USP42: variants seen among roughly 807,000 people sequenced by gnomAD.
USP42 encodes the protein ubiquitin carboxyl-terminal hydrolase 42.
USP42 carries 23 observed loss-of-function variants against 113.0 expected under a neutral mutation model. The ratio of observed to expected loss-of-function variants is 0.20; its 90% CI spans 0.15 to 0.29. The LOEUF (loss-of-function observed/expected upper bound fraction) is 0.29, where lower values mean the gene tolerates loss of function less well. Ranked by LOEUF, USP42 falls within the 10% of genes least tolerant of loss-of-function variation. The pLI, the probability that USP42 is intolerant of heterozygous loss-of-function variation, is 1.00. For synonymous variants in USP42, 933 were observed against 699.0 expected (o/e 1.33, Z -5.28); for missense variants, 2,174 against 1,779.8 (o/e 1.22, Z -3.99).
At chr7:6,105,241 G>C (rs1042376982) in intron 1 of USP42, among the ~76,000 whole-genome samples, 10 of 145,722 alleles carry the variant, frequency 6.9e-5, no homozygotes, top group Admixed American at 4.8e-4. Flanking sequence ...GCCCGCCCGG[G>C]CCAGGCCGCT....
upstream of USP42, among the ~76,000 whole-genome samples, chr7:6,103,239 C>T (rs998921336): frequency 5.3e-5 from 8 of 150,982 alleles, 1 homozygote; most frequent in African/African-American, 2.0e-4. Flanking sequence ...TAAGCCTGTA[C>T]AATGCTAGGA....
intron 14 of USP42, among the ~76,000 whole-genome samples, chr7:6,151,239 C>G (rs1782030636): frequency 6.6e-6 from 1 of 152,168 alleles, no homozygotes; most frequent in Non-Finnish European, 1.5e-5. Flanking sequence ...GGACGGTACA[C>G]TACTGTAGAC....
upstream of USP42, among the ~76,000 whole-genome samples, chr7:6,104,066 G>A (rs975234794): frequency 1.3e-5 from 2 of 151,366 alleles, no homozygotes; most frequent in Non-Finnish European, 2.9e-5. Flanking sequence ...CTGGGCTACA[G>A]ACCCTGTTTC....
chr7:6,133,342 A>G (rs1780952684), intron 3 of USP42, among the ~76,000 whole-genome samples: 1 of 152,094 alleles, frequency 6.6e-6, no homozygotes, highest in African/African-American at 2.4e-5. Flanking sequence ...GCAACTTAAA[A>G]TTGTCCCATA....
Position 6,154,498 on chromosome 7 carries a change from C to A in USP42, c.2944C>A (p.Arg982Ser). 1 of 1,544,132 alleles carries A rather than the reference C, an allele frequency of 6.5e-7. No individual in the cohort carries two copies. Among genetic ancestry groups the A allele is most frequent in the Non-Finnish European group, 8.7e-7 (1 of 1,144,670 alleles). Residue 982 changes from arginine (R) to serine (S), a missense_variant, in exon 15 of 18, where the codon CGC (arginine) becomes AGC (serine). Arg to Ser is a moderately radical substitution (Grantham distance 110, BLOSUM62 -1). Transcript: ENST00000306177. ...KTEGHRHRRR[R>S]TCPRERDRQD... Reference sequence around the variant, plus strand: ...TGAGGGCCACCGTCACCGGCGGCGCCGCACCTGCCCCCGGGAGCGCGACCG... The same window carrying A: ...TGAGGGCCACCGTCACCGGCGGCGCAGCACCTGCCCCCGGGAGCGCGACCG...
At position 6,159,308 on chromosome 7, in the gene USP42, T is replaced by C; in HGVS notation, c.3944-142T>C. The C allele has an allele frequency of 9.6e-7, 1 of 1,036,956 alleles. No homozygotes were observed. Among genetic ancestry groups the C allele is most frequent in the South Asian group, 1.5e-5 (1 of 67,854 alleles). The allele number at this position is 1,036,956 out of a possible 1,614,324, so 64.2% of individuals were successfully genotyped here. On this transcript the variant is annotated intron_variant, in intron 16 of 17. Transcript: ENST00000306177. This position sits in a 1 kb window ranked among gnomAD's most constrained non-coding sequence, Gnocchi z 4.1. ...CCGCTGAGCGCTGGGACATCCCTGC[T>C]CACCTCACTGGGGAGTGGCCTCAGG...
At chr7:6,145,162 GTC>G (rs1781644745) in intron 9 of USP42, among the ~76,000 whole-genome samples, 1 of 151,514 alleles carries the variant, frequency 6.6e-6, no homozygotes, top group African/African-American at 2.4e-5. Context: ...TGAAACCCCT[GTC>G]TCTACTAAAA....
rs553965703 is a variant in USP42 at position 6,107,620 on chromosome 7, G to A, written c.-10+2588G>A. Among the ~76,000 whole-genome samples the A allele has an allele frequency of 9.9e-5, 15 of 152,106 alleles. No homozygotes were observed. In the East Asian group the frequency reaches 1.7e-3, roughly 18 times the overall value. On this transcript the variant is annotated intron_variant, in intron 1 of 17. Transcript: ENST00000306177. ...GACGGGATTTCTCCATGTTGGTCAG[G>A]CTGGTCTTGAACTCCTGATTTCAGG...
In USP42 at chr7:6,159,337, T is replaced by C. The variant is rs899363065; in HGVS notation, c.3944-113T>C. On this transcript the variant is annotated intron_variant, in intron 16 of 17. Coordinates refer to ENST00000306177, the MANE Select transcript of USP42 (RefSeq NM_032172.3). The surrounding 1 kb of genome is among the most constrained non-coding windows in gnomAD (Gnocchi z 4.1). ...CTCACTGGGGAGTGGCCTCAGGCGC[T>C]CACAGGGAACCGCAGTGACTCTGAC... 1.4e-6 allele frequency: 2 copies of C among 1,449,662 alleles called. No homozygotes were observed. The highest frequency in any genetic ancestry group is 2.8e-5 in the African/African-American group (2 of 70,740). The allele number at this position is 1,449,662 out of a possible 1,614,324, so 89.8% of individuals were successfully genotyped here. A position where few individuals can be genotyped will look rare whatever the true frequency, so the allele number is the denominator to read the frequency against.
intron 12 of USP42, among the ~76,000 whole-genome samples, 186 bp from the exon 13 acceptor site, chr7:6,149,397 G>A (rs193245949): frequency 1.2e-3 from 183 of 152,106 alleles, no homozygotes; most frequent in Non-Finnish European, 2.2e-3. Context: ...AGAAAACTAG[G>A]GCCTGTGGAA....
the USP42 span, among the ~76,000 whole-genome samples, chr7:6,089,619 G>A: frequency 2.8e-5 from 4 of 145,046 alleles, no homozygotes; most frequent in Admixed American, 1.4e-4. Context: ...TGCAACCTTC[G>A]CCTCCCGGGT....
At chr7:6,127,039 T>C (rs1780582236) in intron 3 of USP42, among the ~76,000 whole-genome samples, 1 of 152,226 alleles carries the variant, frequency 6.6e-6, no homozygotes, top group Admixed American at 6.5e-5. Flanking sequence ...AGGTGTGTAG[T>C]GGTAACTCAG....
chr7:6,147,020 C>T (rs868721960), intron 11 of USP42, among the ~76,000 whole-genome samples: 9 of 152,206 alleles, frequency 5.9e-5, no homozygotes, highest in South Asian at 2.1e-4. Flanking sequence ...CTCACTCACT[C>T]GCTCCATTTT....
chr7:6,149,152 G>C (rs1379945115), intron 12 of USP42, among the ~76,000 whole-genome samples: 1 of 152,136 alleles, frequency 6.6e-6, no homozygotes, highest in East Asian at 1.9e-4. Context: ...GTGAGTGGCG[G>C]CTGAAGCAGC....
chr7:6,102,137 A>T, upstream of USP42, among the ~76,000 whole-genome samples: 1 of 138,106 alleles, frequency 7.2e-6, no homozygotes. Flanking sequence ...TTTGAGACAG[A>T]CGGAATCTCA....
At chr7:6,122,669 A>G (rs111958580) in intron 3 of USP42, among the ~76,000 whole-genome samples, 12 of 151,292 alleles carry the variant, frequency 7.9e-5, no homozygotes, top group Admixed American at 2.6e-4. Context: ...TGGGGTTTCA[A>G]CATGTTGGCC....
Position 6,154,946 on chromosome 7 carries a change from G to T in USP42, c.3392G>T (p.Arg1131Leu), listed in dbSNP as rs769657350. Residue 1131 changes from arginine to leucine, a missense_variant, in exon 15 of 18, where the codon CGC becomes CTC. By Grantham distance (102) the Arg-to-Leu change is moderately radical (BLOSUM62 -2). Transcript: ENST00000306177. ...APHALAPHPD[R>L]FSHDRTALVA... ...CACGCCCTCGCCCCGCACCCCGACC[G>T]CTTCTCCCACGACAGAACTGCACTT... is the stretch of plus-strand genomic sequence containing the variant. The T allele has an allele frequency of 3.9e-6, 6 of 1,554,180 alleles. No individual in the cohort carries two copies. Among genetic ancestry groups the T allele is most frequent in the Non-Finnish European group, 5.2e-6 (6 of 1,148,508 alleles).
chr7:6,086,509 C>G, the USP42 span, among the ~76,000 whole-genome samples: 1 of 151,016 alleles, frequency 6.6e-6, no homozygotes, highest in Admixed American at 6.6e-5. Flanking sequence ...CCAGCCTAGC[C>G]GGGCTAATTT....
Position 6,119,048 on chromosome 7 carries a change from C to G in USP42, c.442+3525C>G, listed in dbSNP as rs142393109. On this transcript the variant is annotated intron_variant, in intron 3 of 17. Coordinates refer to ENST00000306177, the MANE Select transcript of USP42 (RefSeq NM_032172.3). ...TGGGCAACATGTCAAGACCCTGTCT[C>G]TCCAAAAAAAAAAAAAATTAGCTGC... Among the ~76,000 whole-genome samples, 420 of 148,642 alleles carry G rather than the reference C, an allele frequency of 2.8e-3. 3 individuals are homozygous for G. The highest frequency in any genetic ancestry group is 4.4e-3 in the Non-Finnish European group (295 of 67,332).
Sources: allele counts gnomAD v4.1 joint callset (sites outside exome capture counted in the v4.1 genomes callset), GRCh38; gene constraint gnomAD v4.1.1; non-coding constraint Gnocchi (gnomAD v3.1); transcripts MANE v1.5; gene names NCBI Gene and HGNC (gene_info 2026-07-23, HGNC 2026-07-21).